The following SPATA16 variants were observed in gnomAD, a reference collection of about 807,000 sequenced individuals.
The protein encoded by SPATA16 is spermatogenesis-associated protein 16.
In SPATA16, 36 loss-of-function variants were observed where a neutral mutation model predicts 63.3. That is an observed-to-expected ratio of 0.57 (90% CI 0.44 to 0.75). The LOEUF (loss-of-function observed/expected upper bound fraction) is 0.75, where lower values mean the gene tolerates loss of function less well. Among genes scored for constraint, SPATA16 ranks in the 30% least tolerant of loss-of-function variants. The pLI, the probability that SPATA16 is intolerant of heterozygous loss-of-function variation, is 0.00. For synonymous variants in SPATA16, 203 were observed against 216.7 expected, an observed-to-expected ratio of 0.94 and a Z score of 0.56; for missense variants, 646 against 679.3, an observed-to-expected ratio of 0.95 and a Z score of 0.54.
chr3:172,908,305 T>G (rs545105710), intron 10 of SPATA16, among the ~76,000 whole-genome samples: 78 of 152,038 alleles, frequency 5.1e-4, no homozygotes, highest in African/African-American at 1.9e-3. Context: ...CACATAAAAA[T>G]TTACCTTTTT....
At chr3:173,056,271 CT>C (rs1402486751) in intron 2 of SPATA16, among the ~76,000 whole-genome samples, 2 of 152,122 alleles carry the variant, frequency 1.3e-5, no homozygotes, top group African/African-American at 4.8e-5. Flanking sequence ...TGTATAATGA[CT>C]TTGTCATTTT....
intron 10 of SPATA16, among the ~76,000 whole-genome samples, chr3:172,901,393 T>C (rs1359645545): frequency 6.6e-6 from 1 of 152,084 alleles, no homozygotes; most frequent in African/African-American, 2.4e-5. Flanking sequence ...AGAGATGGAG[T>C]TTTGCCATGA....
At chr3:173,072,004 G>A (rs1021706699) in intron 2 of SPATA16, among the ~76,000 whole-genome samples, 5 of 152,160 alleles carry the variant, frequency 3.3e-5, no homozygotes, top group Non-Finnish European at 5.9e-5. Context: ...AAGAAGTTTG[G>A]AGATTTCTCA....
At chr3:173,107,327 T>G (rs1013476066) in intron 2 of SPATA16, among the ~76,000 whole-genome samples, 3 of 152,166 alleles carry the variant, frequency 2.0e-5, no homozygotes, top group Non-Finnish European at 4.4e-5. Context: ...AAGATATTTA[T>G]TTATAGATAT....
At chr3:172,984,473 A>G (rs929744543) in intron 4 of SPATA16, among the ~76,000 whole-genome samples, 9 of 152,064 alleles carry the variant, frequency 5.9e-5, no homozygotes, top group African/African-American at 2.2e-4. Flanking sequence ...TCATAAGGAG[A>G]CTCAGCTTTG....
In SPATA16 at chr3:173,091,336, CT is replaced by C. The variant is rs34963451; in HGVS notation, c.612+25783del. On this transcript the variant is annotated intron_variant, in intron 2 of 10. Coordinates refer to ENST00000351008, the MANE Select transcript of SPATA16 (RefSeq NM_031955.6). The stretch of plus-strand genomic sequence containing the variant: ...CAAATATAATCATTAATTTATTTGA[CT>C]TTTTTTTTTAACTTGCTGCAGTCAT... Among the ~76,000 whole-genome samples, 814 of 149,256 alleles carry C rather than the reference CT, an allele frequency of 5.5e-3. 15 individuals are homozygous for C. Among genetic ancestry groups the C allele is most frequent in the East Asian group, 0.054 (275 of 5,092 alleles).
intron 4 of SPATA16, among the ~76,000 whole-genome samples, chr3:173,004,231 T>C (rs1734889983): frequency 6.6e-6 from 1 of 152,130 alleles, no homozygotes; most frequent in Admixed American, 6.6e-5. Flanking sequence ...TCTTTGTCAG[T>C]GTTACTGTCT....
intron 1 of SPATA16, among the ~76,000 whole-genome samples, chr3:173,119,598 T>C (rs1379154488): frequency 6.6e-6 from 1 of 152,224 alleles, no homozygotes; most frequent in Non-Finnish European, 1.5e-5. Flanking sequence ...CTAGAATATT[T>C]CCCCAATGAT....
chr3:173,096,929 T>C (rs1737370924), intron 2 of SPATA16, among the ~76,000 whole-genome samples: 2 of 152,184 alleles, frequency 1.3e-5, no homozygotes, highest in African/African-American at 4.8e-5. Context: ...CTAACACTTA[T>C]TTTTAAGCAA....
At chr3:172,896,802 C>T (rs1410507158) in intron 10 of SPATA16, among the ~76,000 whole-genome samples, 2 of 150,940 alleles carry the variant, frequency 1.3e-5, no homozygotes, top group Non-Finnish European at 3.0e-5. Flanking sequence ...TTTTTTTTTA[C>T]TCCTGAATTT....
At chr3:172,896,369 C>T (rs1212183094) in intron 10 of SPATA16, among the ~76,000 whole-genome samples, 3 of 151,996 alleles carry the variant, frequency 2.0e-5, no homozygotes, top group Non-Finnish European at 4.4e-5. Flanking sequence ...TATAGGTGCC[C>T]GCCACCACGC....
intron 10 of SPATA16, among the ~76,000 whole-genome samples, chr3:172,910,672 C>G (rs1732350980): frequency 6.6e-6 from 1 of 152,122 alleles, no homozygotes; most frequent in Non-Finnish European, 1.5e-5. Flanking sequence ...TTTGGCTGCT[C>G]TATCTCTAAT....
At chr3:173,112,869 C>T (rs569886019) in intron 2 of SPATA16, among the ~76,000 whole-genome samples, 15 of 152,252 alleles carry the variant, frequency 9.9e-5, no homozygotes, top group Non-Finnish European at 1.9e-4. Context: ...TTAAAGGATA[C>T]ATATAGATTT....
At chr3:173,082,692 C>T (rs1736954588) in intron 2 of SPATA16, among the ~76,000 whole-genome samples, 1 of 152,140 alleles carries the variant, frequency 6.6e-6, no homozygotes, top group Non-Finnish European at 1.5e-5. Flanking sequence ...GCCAGGATGC[C>T]CACAGATATC....
rs561034582 is a variant in SPATA16, at chr3:173,107,001, A to G, written c.612+10119T>C. ...CACACAGTTTGTGTTCATATTGTGT[A>G]TATCATAGACTCCATTGAACTTTCT... On this transcript the variant is annotated intron_variant, in intron 2 of 10. Coordinates refer to ENST00000351008, the MANE Select transcript of SPATA16 (RefSeq NM_031955.6). Among the ~76,000 whole-genome samples, 7 of 152,322 alleles carry G rather than the reference A, an allele frequency of 4.6e-5. No homozygotes were observed. The East Asian group carries it at 7.7e-4, about 17-fold the overall frequency.
intron 4 of SPATA16, among the ~76,000 whole-genome samples, chr3:172,984,629 A>G (rs1328223164): frequency 1.3e-5 from 2 of 152,130 alleles, no homozygotes; most frequent in African/African-American, 4.8e-5. Flanking sequence ...GTCTCTACCT[A>G]TTGCAGCCCA....
intron 4 of SPATA16, among the ~76,000 whole-genome samples, chr3:172,991,924 T>C (rs896498281): frequency 2.6e-5 from 4 of 152,216 alleles, no homozygotes; most frequent in Non-Finnish European, 5.9e-5. Context: ...TATGTGTTTA[T>C]AGTATTTATA....
chr3:173,132,518 C>G (rs2108348683), intron 1 of SPATA16, among the ~76,000 whole-genome samples: 1 of 152,192 alleles, frequency 6.6e-6, no homozygotes. Context: ...AGAAATGTCT[C>G]TACAGGATTT....
At chr3:172,986,945 A>G (rs1734473100) in intron 4 of SPATA16, among the ~76,000 whole-genome samples, 1 of 152,226 alleles carries the variant, frequency 6.6e-6, no homozygotes, top group South Asian at 2.1e-4. Flanking sequence ...TCTTAAGGAC[A>G]AAGTCAACTA....
Sources: gnomAD v4.1 joint callset for allele counts (sites outside exome capture counted in the v4.1 genomes callset) on GRCh38, gnomAD v4.1.1 for gene constraint, MANE v1.5 for transcripts, NCBI Gene and HGNC (gene_info 2026-07-23, HGNC 2026-07-21) for gene names.